SYT14: variants seen among roughly 807,000 people sequenced by gnomAD.
SYT14 encodes synaptotagmin-14.
A neutral mutation model predicts 74.2 loss-of-function variants in SYT14; 32 were observed. That is an observed-to-expected ratio of 0.43 (90% confidence interval 0.33 to 0.58). The LOEUF (loss-of-function observed/expected upper bound fraction) is 0.58. Among genes scored for constraint, SYT14 ranks in the 20% least tolerant of loss-of-function variants. SYT14 has a pLI of 0.05. For missense variants in SYT14, 791 were observed against 981.8 expected, an observed-to-expected ratio of 0.81 and a Z score of 2.60; for synonymous variants, 298 against 337.7, an observed-to-expected ratio of 0.88 and a Z score of 1.29.
chr1:209,987,517 G>A (rs550640570), intron 2 of SYT14, among the ~76,000 whole-genome samples: 2 of 152,302 alleles, frequency 1.3e-5, no homozygotes, highest in East Asian at 3.9e-4. Context: ...ATCAGATCTT[G>A]TGAGTACTCA....
intron 5 of SYT14, among the ~76,000 whole-genome samples, chr1:210,079,327 A>G (rs1215221211): frequency 6.6e-6 from 1 of 152,174 alleles, no homozygotes; most frequent in Admixed American, 6.5e-5. Flanking sequence ...TAACAATTAT[A>G]TAACTATAAT....
At chr1:209,956,932 A>G (rs554714469) in intron 2 of SYT14, among the ~76,000 whole-genome samples, 1 of 149,676 alleles carries the variant, frequency 6.7e-6, no homozygotes, top group Non-Finnish European at 1.5e-5. Context: ...GTCTCTTAGG[A>G]CCCTACACCC....
At chr1:210,034,679 T>C (rs185854905) in intron 5 of SYT14, among the ~76,000 whole-genome samples, 15 of 151,934 alleles carry the variant, frequency 9.9e-5, no homozygotes, top group Non-Finnish European at 1.8e-4. Context: ...TTACACTCTC[T>C]GTGTGTAAAT....
intron 4 of SYT14, among the ~76,000 whole-genome samples, chr1:210,019,707 A>G (rs537023102): frequency 4.2e-4 from 64 of 152,136 alleles, no homozygotes; most frequent in Non-Finnish European, 7.2e-4. Flanking sequence ...TTATCCTGTA[A>G]CTCCCACTCA....
intron 5 of SYT14, among the ~76,000 whole-genome samples, chr1:210,041,727 C>G (rs1354693899): frequency 6.6e-6 from 1 of 152,058 alleles, no homozygotes. Flanking sequence ...GTGGAGGAGA[C>G]AGCAGAGACC....
At chr1:210,029,343 A>G (rs951437991) in intron 5 of SYT14, among the ~76,000 whole-genome samples, 3 of 152,138 alleles carry the variant, frequency 2.0e-5, no homozygotes. Flanking sequence ...AAATCTGCCA[A>G]ATCCAATGTT....
intron 1 of SYT14, among the ~76,000 whole-genome samples, chr1:209,952,315 T>C (rs2078925053): frequency 6.6e-6 from 1 of 152,178 alleles, no homozygotes; most frequent in Non-Finnish European, 1.5e-5. Context: ...ATATAAATAG[T>C]AACTTTACAG....
rs1374452397 is a variant in SYT14, at chr1:209,954,287, A to G, written c.-486+1531A>G. Among the ~76,000 whole-genome samples the G allele has an allele frequency of 4.6e-5, 7 of 152,156 alleles. No homozygotes were observed. The East Asian group carries it at 1.3e-3, about 29-fold the overall frequency. On this transcript the variant is annotated intron_variant, in intron 2 of 9. Coordinates refer to ENST00000637265, the Ensembl canonical transcript of SYT14. ...GATAAGGATAGAGGATGGTGTGAAT[A>G]TATCTTTTTTTTTCATGGCTTTTTT... is the stretch of plus-strand genomic sequence containing the variant.
chr1:210,146,192 A>C (rs1203511402), intron 7 of SYT14, among the ~76,000 whole-genome samples: 3 of 151,790 alleles, frequency 2.0e-5, no homozygotes, highest in African/African-American at 7.3e-5. Flanking sequence ...ACAAAAATTA[A>C]CCGGGCGTGT....
intron 7 of SYT14, among the ~76,000 whole-genome samples, chr1:210,132,567 T>TTTTGTGTGTGTGTG (rs147481736): frequency 3.2e-4 from 47 of 144,996 alleles, no homozygotes; most frequent in Non-Finnish European, 5.6e-4. Flanking sequence ...ATTTTATATA[T>TTTTGTGTGTGTGTG]TGTGTGTGTG....
intron 5 of SYT14, among the ~76,000 whole-genome samples, chr1:210,023,016 C>T (rs1043555665): frequency 1.3e-5 from 2 of 151,952 alleles, no homozygotes; most frequent in Non-Finnish European, 2.9e-5. Flanking sequence ...GTCCAAGTGC[C>T]CCAGAATCAC....
exon 5 of SYT14, chr1:210,021,105 A>T (rs761200669): frequency 6.2e-7 from 1 of 1,614,004 alleles, no homozygotes; most frequent in Non-Finnish European, 8.5e-7. Flanking sequence ...GCGCTGGGTA[A>T]ATATCATGAG....
chr1:210,148,571 A>T (rs148663072), intron 7 of SYT14, among the ~76,000 whole-genome samples: 1 of 152,084 alleles, frequency 6.6e-6, no homozygotes, highest in Non-Finnish European at 1.5e-5. Flanking sequence ...TAAGAGAATG[A>T]CTCTAGGAAA....
intron 2 of SYT14, among the ~76,000 whole-genome samples, chr1:209,993,007 A>G (rs973865617): frequency 1.3e-5 from 2 of 152,174 alleles, no homozygotes; most frequent in African/African-American, 2.4e-5. Context: ...ACTGACCCCT[A>G]GGATCCTAGT....
rs1038022688 is a variant in SYT14 at position 209,953,189 on chromosome 1, A to G, written c.-486+433A>G. ...AAGACCACAACATCCTTTGACACCA[A>G]CAACTGTCTATGCTTCCTTAGAAGG... On this transcript the variant is annotated intron_variant, in intron 2 of 9. Coordinates refer to ENST00000637265, the Ensembl canonical transcript of SYT14. The G allele has an allele frequency of 7.0e-6, 9 of 1,287,704 alleles. No homozygotes were observed. The African/African-American group carries it at 9.1e-5, about 13-fold the overall frequency. The allele number at this position is 1,287,704 out of a possible 1,614,324, so 79.8% of individuals were successfully genotyped here.
chr1:209,965,410 A>G (rs12134246), intron 2 of SYT14, among the ~76,000 whole-genome samples: 3,601 of 152,300 alleles, frequency 0.024, 59 homozygotes, highest in Non-Finnish European at 0.04. Flanking sequence ...TTGTGGCTGC[A>G]TAGTATTCCA....
At chr1:209,957,918 T>C (rs2079018288) in intron 2 of SYT14, among the ~76,000 whole-genome samples, 1 of 152,120 alleles carries the variant, frequency 6.6e-6, no homozygotes, top group Non-Finnish European at 1.5e-5. Flanking sequence ...ATTTTTTCTT[T>C]TCATTCTTTT....
intron 5 of SYT14, among the ~76,000 whole-genome samples, chr1:210,054,009 C>A (rs1358018039): frequency 1.3e-5 from 2 of 152,124 alleles, no homozygotes; most frequent in Non-Finnish European, 2.9e-5. Context: ...GTTTGGAAAT[C>A]ATTTTCCTAT....
intron 2 of SYT14, among the ~76,000 whole-genome samples, chr1:210,000,803 C>T (rs1315595498): frequency 1.3e-5 from 2 of 151,542 alleles, no homozygotes; most frequent in African/African-American, 2.4e-5. Context: ...TTAGTAGAGA[C>T]GGGGTTTCAC....
Sources: gnomAD v4.1 joint callset for allele counts (sites outside exome capture counted in the v4.1 genomes callset) on GRCh38, gnomAD v4.1.1 for gene constraint, MANE v1.5 for transcripts, NCBI Gene and HGNC (gene_info 2026-07-23, HGNC 2026-07-21) for gene names.